Variants in MDGA2 observed in about 807,000 individuals in gnomAD.
MDGA2 encodes MAM domain containing glycosylphosphatidylinositol anchor 2, also known as MAM domain-containing glycosylphosphatidylinositol anchor protein 2.
In MDGA2, 40 loss-of-function variants were observed where a neutral mutation model predicts 117.8. The ratio of observed to expected loss-of-function variants is 0.34; its 90% confidence interval spans 0.26 to 0.44. The LOEUF is 0.44. Among genes scored for constraint, MDGA2 ranks in the 20% least tolerant of loss-of-function variants. The pLI, the probability that MDGA2 is intolerant of heterozygous loss-of-function variation, is 1.00. For synonymous variants in MDGA2, 452 were observed against 439.0 expected, an observed-to-expected ratio of 1.03 and a Z score of -0.37; for missense variants, 1,123 against 1,250.6, an observed-to-expected ratio of 0.90 and a Z score of 1.54.
chr14:47,479,938 C>G (rs1185832439), intron 1 of MDGA2, among the ~76,000 whole-genome samples: 4 of 152,014 alleles, frequency 2.6e-5, no homozygotes, highest in Admixed American at 2.0e-4. Flanking sequence ...ACTTTCCTTG[C>G]CACTGTATAG....
chr14:47,213,252 C>A (rs546504412), intron 3 of MDGA2, among the ~76,000 whole-genome samples: 2 of 152,250 alleles, frequency 1.3e-5, no homozygotes, highest in Admixed American at 1.3e-4. Context: ...ATTTCAAAAG[C>A]TTTACTCAGT....
intron 1 of MDGA2, among the ~76,000 whole-genome samples, chr14:47,664,438 C>T (rs1897905314): frequency 2.6e-5 from 4 of 152,180 alleles, no homozygotes; most frequent in Admixed American, 2.6e-4. Flanking sequence ...CCCCCTTCTA[C>T]TCCAGATATA....
At chr14:46,980,439 G>A (rs376598735) in intron 8 of MDGA2, among the ~76,000 whole-genome samples, 3 of 152,172 alleles carry the variant, frequency 2.0e-5, no homozygotes, top group African/African-American at 2.4e-5. Flanking sequence ...TGAAGATGCC[G>A]TGAACATTGT....
rs558557832 is a variant in MDGA2, at chr14:47,143,175, G to A, written c.792+903C>T. Among the ~76,000 whole-genome samples, 24 of 152,146 alleles carry A rather than the reference G, an allele frequency of 1.6e-4. No individual in the cohort carries two copies. The East Asian group carries it at 4.5e-3, about 28-fold the overall frequency. On this transcript the variant is annotated intron_variant, in intron 4 of 16. Coordinates refer to ENST00000399232, the MANE Select transcript of MDGA2 (RefSeq NM_001113498.3). ...ATTTCTGTATTTTCAGTAGAGATGG[G>A]GTTTCACCATGTTGGCCAGGATCAT...
chr14:46,855,084 C>A lies in MDGA2; in HGVS notation c.2823G>T (p.Gly941=). 1 of 1,611,222 alleles carries A rather than the reference C, an allele frequency of 6.2e-7. No homozygotes were observed. The highest frequency in any genetic ancestry group is 8.5e-7 in the Non-Finnish European group (1 of 1,178,226). ...CCTCATTCCATCTTTGTCCTTTATT[C>A]CCACTTGAAGACCACAGTGGATTCT... The part of the protein sequence containing the change: ...TIENPLWSSS[G]NKGQRWNEAH... Residue 941 remains glycine, a synonymous_variant, in exon 15 of 17, where the codon GGG becomes GGT. Coordinates refer to ENST00000399232, the MANE Select transcript of MDGA2 (RefSeq NM_001113498.3). This position sits in a 1 kb window ranked among gnomAD's most constrained non-coding sequence, Gnocchi z 4.1.
At chr14:47,465,419 C>A (rs1294587662) in intron 1 of MDGA2, among the ~76,000 whole-genome samples, 1 of 152,110 alleles carries the variant, frequency 6.6e-6, no homozygotes, top group Admixed American at 6.5e-5. Flanking sequence ...AAGAAAATTT[C>A]TGCAATCTAT....
rs144428654 is a variant in MDGA2, at chr14:47,375,396, C to G, written c.281-73846G>C. Among the ~76,000 whole-genome samples, 41 of 152,058 alleles carry G rather than the reference C, an allele frequency of 2.7e-4. No homozygotes were observed. The East Asian group carries it at 7.9e-3, about 29-fold the overall frequency. The stretch of plus-strand genomic sequence containing the variant: ...AATGGCAGGTGATGGGAATAACTTG[C>G]CAAATAAACTCAAAATGCTTTAGCT... On this transcript the variant is annotated intron_variant, in intron 1 of 16. Transcript: ENST00000399232.
chr14:47,095,421 G>C (rs938019149), intron 6 of MDGA2, among the ~76,000 whole-genome samples: 4 of 151,830 alleles, frequency 2.6e-5, no homozygotes, highest in Non-Finnish European at 5.9e-5. Context: ...GTCGAGTTCT[G>C]AGTGTGAACT....
At chr14:47,075,293 A>T (rs1236516959) in intron 6 of MDGA2, among the ~76,000 whole-genome samples, 1 of 152,214 alleles carries the variant, frequency 6.6e-6, no homozygotes, top group Non-Finnish European at 1.5e-5. Flanking sequence ...CTGAAAACAG[A>T]GGTACTTCAT....
At chr14:46,930,109 A>G (rs992930788) in intron 9 of MDGA2, among the ~76,000 whole-genome samples, 1 of 104,578 alleles carries the variant, frequency 9.6e-6, no homozygotes, top group African/African-American at 3.1e-5. Flanking sequence ...GCAACACCCA[A>G]AGAAGAAAAA....
chr14:47,361,154 C>T (rs547002758), intron 1 of MDGA2, among the ~76,000 whole-genome samples: 1 of 151,170 alleles, frequency 6.6e-6, no homozygotes, highest in Non-Finnish European at 1.5e-5. Flanking sequence ...AATCATTTCA[C>T]TATGTATATG....
intron 1 of MDGA2, among the ~76,000 whole-genome samples, chr14:47,366,921 T>C (rs2138382359): frequency 6.6e-6 from 1 of 151,108 alleles, no homozygotes; most frequent in East Asian, 1.9e-4. Flanking sequence ...GGCCTACTAG[T>C]TTTGCATACA....
At position 46,875,501 on chromosome 14, in the gene MDGA2, C is replaced by A. The variant is rs142271533; in HGVS notation, c.2438-1301G>T. ...TATTTAAGGGAGTCTAAATAAATAA[C>A]TCAATAAATTTCTGAATAAACATTA... On this transcript the variant is annotated intron_variant, in intron 12 of 16. Transcript: ENST00000399232. 2.6e-3 allele frequency among the ~76,000 whole-genome samples: 394 copies of A among 151,586 alleles called. 4 individuals are homozygous for A. The highest frequency in any genetic ancestry group is 7.9e-3 in the South Asian group (38 of 4,820).
At chr14:47,002,029 G>A (rs1443493491) in intron 8 of MDGA2, among the ~76,000 whole-genome samples, 3 of 152,056 alleles carry the variant, frequency 2.0e-5, no homozygotes, top group Non-Finnish European at 4.4e-5. Context: ...CCAGGTTGTG[G>A]AGTGGGGGCA....
At chr14:47,141,460 C>G (rs895730973) in intron 4 of MDGA2, among the ~76,000 whole-genome samples, 3 of 152,120 alleles carry the variant, frequency 2.0e-5, no homozygotes, top group Admixed American at 1.3e-4. Context: ...TACTATTCAG[C>G]TATGAAATAA....
intron 3 of MDGA2, among the ~76,000 whole-genome samples, chr14:47,179,346 T>C (rs1472609816): frequency 6.6e-6 from 1 of 152,080 alleles, no homozygotes; most frequent in African/African-American, 2.4e-5. Context: ...TCTATTTATA[T>C]TTACACTACA....
At chr14:47,339,229 A>AT (rs1022117939) in intron 1 of MDGA2, among the ~76,000 whole-genome samples, 1 of 152,076 alleles carries the variant, frequency 6.6e-6, no homozygotes, top group African/African-American at 2.4e-5. Flanking sequence ...ATGAAACACT[A>AT]TTTTTTGCAT....
chr14:46,844,637 G>A (rs1034509110), intron 16 of MDGA2, among the ~76,000 whole-genome samples: 1 of 152,028 alleles, frequency 6.6e-6, no homozygotes, highest in East Asian at 1.9e-4. Flanking sequence ...CAAACTGGAC[G>A]AATGAAAGCA....
At chr14:47,173,890 A>G (rs570985966) in intron 3 of MDGA2, among the ~76,000 whole-genome samples, 1 of 152,346 alleles carries the variant, frequency 6.6e-6, no homozygotes, top group Admixed American at 6.5e-5. Flanking sequence ...AGTGTGCTGT[A>G]TTCAGGAAAT....
Sources: allele counts gnomAD v4.1 joint callset (sites outside exome capture counted in the v4.1 genomes callset), GRCh38; gene constraint gnomAD v4.1.1; non-coding constraint Gnocchi (gnomAD v3.1); transcripts MANE v1.5; gene names NCBI Gene and HGNC (gene_info 2026-07-23, HGNC 2026-07-21).